Variants in USP34 observed in about 807,000 individuals in gnomAD.
USP34 encodes ubiquitin carboxyl-terminal hydrolase 34.
A neutral mutation model predicts 460.3 loss-of-function variants in USP34; 70 were observed. The observed-to-expected ratio is 0.15, with a 90% CI of 0.13 to 0.19. The LOEUF is 0.19. Among genes scored for constraint, USP34 ranks in the 10% least tolerant of loss-of-function variants. The probability of loss-of-function intolerance (pLI) is 1.00; values close to 1 mark genes in which losing one functional copy is unlikely to be tolerated. For missense variants in USP34, 3,985 were observed against 4,236.2 expected, an observed-to-expected ratio of 0.94 and a Z score of 1.65; for synonymous variants, 1,647 against 1,405.3, an observed-to-expected ratio of 1.17 and a Z score of -3.85.
intron 12 of USP34, 105 bp downstream of exon 12, chr2:61,350,155 A>G: frequency 1.6e-6 from 2 of 1,271,706 alleles, no homozygotes; most frequent in Non-Finnish European, 2.2e-6. Context: ...CCCATCCCAC[A>G]CTTATTTTAA....
At chr2:61,363,195 C>T (rs938750556) in intron 10 of USP34, among the ~76,000 whole-genome samples, 1 of 151,884 alleles carries the variant, frequency 6.6e-6, no homozygotes, top group African/African-American at 2.4e-5. Flanking sequence ...AATTTTTTTT[C>T]AAAATGGAAG....
intron 5 of USP34, among the ~76,000 whole-genome samples, chr2:61,387,730 C>T (rs1174421842): frequency 2.1e-5 from 3 of 146,206 alleles, no homozygotes; most frequent in African/African-American, 7.5e-5. Flanking sequence ...CGTATACACA[C>T]ATGTAAAAAT....
intron 3 of USP34, among the ~76,000 whole-genome samples, chr2:61,400,529 A>T (rs181717967): frequency 6.6e-6 from 1 of 152,286 alleles, no homozygotes; most frequent in East Asian, 1.9e-4. Flanking sequence ...TAGTAGTGAT[A>T]ATTGTACAAC....
intron 76 of USP34, chr2:61,191,322 T>G (rs960446488): frequency 6.6e-6 from 1 of 152,212 alleles, no homozygotes; most frequent in Non-Finnish European, 1.5e-5. Flanking sequence ...CTCCATAGAT[T>G]TAAATGTGCA....
chr2:61,203,365 T>C (rs1687028376), intron 74 of USP34, 102 bp from the exon 75 acceptor site: 5 of 1,135,904 alleles, frequency 4.4e-6, no homozygotes, highest in South Asian at 6.7e-5. Flanking sequence ...ATTCAATATT[T>C]ATATTCTATA....
At chr2:61,257,029 TAA>T (rs1386916161) in intron 46 of USP34, 21 bp downstream of exon 46, 1 of 1,474,302 alleles carries the variant, frequency 6.8e-7, no homozygotes, top group Non-Finnish European at 9.0e-7. Flanking sequence ...CTCCAAAAAG[TAA>T]AAACCAGGTA....
rs59097382 is a variant in USP34 at position 61,194,951 on chromosome 2, CA to C, written c.9509-1972del. 5.0e-3 allele frequency among the ~76,000 whole-genome samples: 634 copies of C among 126,210 alleles called. 6 individuals carry two copies. The highest frequency in any genetic ancestry group is 0.016 in the African/African-American group (529 of 33,366). 82.8% of individuals were successfully genotyped at this position (126,210 alleles called of 152,430 possible). ...CTGGACAACAAGAGTGAAACTCTGT[CA>C]AAAAAAAAAAAAAAAAAAGTTTTGG... On this transcript the variant is annotated intron_variant, in intron 75 of 79. Transcript: ENST00000398571.
chr2:61,348,097 A>T lies in USP34; in HGVS notation c.2058T>A (p.Asp686Glu), dbSNP rs773087733. Residue 686 changes from aspartate to glutamate, a missense_variant, in exon 15 of 80, where the codon GAT becomes GAA. Asp to Glu is a conservative substitution (Grantham distance 45). Coordinates refer to ENST00000398571, the MANE Select transcript of USP34 (RefSeq NM_014709.4). ...VFNTESLPSV[D>E]NRMRMLDACS... The stretch of plus-strand genomic sequence containing the variant: ...AAGCATCCAGCATTCGCATTCGATT[A>T]TCTACTGATGGCAATGATTCAGTGT... 2 of 1,614,200 alleles carry T rather than the reference A, an allele frequency of 1.2e-6. No individual in the cohort carries two copies. The highest frequency in any genetic ancestry group is 1.1e-5 in the South Asian group (1 of 91,076).
chr2:61,246,517 T>G, intron 49 of USP34, 40 bp from the exon 50 acceptor site: 1 of 1,328,372 alleles, frequency 7.5e-7, no homozygotes, highest in Non-Finnish European at 9.9e-7. Flanking sequence ...TTTTCCAAAC[T>G]TCACAACAGT....
At position 61,339,401 on chromosome 2, in the gene USP34, T is replaced by G. The variant is rs17008405; in HGVS notation, c.2694A>C (p.Gln898His). The change falls in exon 18 of 80, where the codon CAA becomes CAC. Residue 898 changes from glutamine (Q) to histidine (H), a missense_variant. By Grantham distance (24) the Gln-to-His change is conservative. Transcript: ENST00000398571. ...CSLVCWFTDRQIRMRFIEGCL... is the reference protein window; with the variant it reads ...CSLVCWFTDRHIRMRFIEGCL... ...AACCTTCAATGAATCTCATTCGAAT[T>G]TGTCTATCTGTAAACCAACATACTA... is the stretch of plus-strand genomic sequence containing the variant. 1 of 1,608,710 alleles carries G rather than the reference T, an allele frequency of 6.2e-7. No individual in the cohort carries two copies. Among genetic ancestry groups the G allele is most frequent in the Admixed American group, 1.7e-5 (1 of 59,366 alleles).
intron 42 of USP34, 25 bp downstream of exon 42, chr2:61,265,959 A>G: frequency 6.5e-7 from 1 of 1,531,458 alleles, no homozygotes; most frequent in Non-Finnish European, 8.8e-7. Flanking sequence ...ATCTATAAAG[A>G]TTAAAGGAAA....
intron 1 of USP34, among the ~76,000 whole-genome samples, chr2:61,437,774 AAAATAAAT>A (rs61610795): frequency 2.1e-3 from 287 of 134,562 alleles, no homozygotes; most frequent in African/African-American, 2.4e-3. Flanking sequence ...CTCCGTCTCA[AAAATAAAT>A]AAATAAATAA....
At chr2:61,404,029 A>G (rs946808542) in intron 3 of USP34, among the ~76,000 whole-genome samples, 4 of 149,720 alleles carry the variant, frequency 2.7e-5, no homozygotes, top group African/African-American at 9.7e-5. Flanking sequence ...GCTTTAGAAC[A>G]GTAAGGAAAG....
chr2:61,196,898 CA>C (rs754621049), intron 75 of USP34, among the ~76,000 whole-genome samples: 1 of 151,978 alleles, frequency 6.6e-6, no homozygotes, highest in Admixed American at 6.5e-5. Context: ...CCACGACAAA[CA>C]AAAAAATACC....
At chr2:61,201,258 C>T (rs1377042619) in intron 75 of USP34, among the ~76,000 whole-genome samples, 1 of 145,418 alleles carries the variant, frequency 6.9e-6, no homozygotes, top group Non-Finnish European at 1.5e-5. Flanking sequence ...GCTTAGTCAC[C>T]AGGCTGGAGT....
At position 61,211,830 on chromosome 2, in the gene USP34, T is replaced by C. The variant is rs755067867; in HGVS notation, c.8782A>G (p.Thr2928Ala). ...LEDIKQFKKT[T>A]ISCYLRCLDG... The stretch of plus-strand genomic sequence containing the variant: ...AAGCAACGTAAGTAACAACTTATGG[T>C]TGTTTTCTTGAACTGTTTAATATCT... Residue 2928 changes from threonine (T) to alanine (A), a missense_variant, in exon 69 of 80, where the codon ACC (threonine) becomes GCC (alanine). Physicochemically the swap from Thr to Ala is moderately conservative, Grantham distance 58. Around this residue, in one of 14 missense-constraint regions of USP34, gnomAD observed 275 missense variants for 292.7 expected, o/e 0.94. Transcript: ENST00000398571. 3 of 1,607,916 alleles carry C rather than the reference T, an allele frequency of 1.9e-6. No homozygotes were observed. The South Asian group carries it at 3.3e-5, about 18-fold the overall frequency.
intron 2 of USP34, among the ~76,000 whole-genome samples, chr2:61,411,522 T>C (rs191235187): frequency 4.7e-4 from 71 of 152,324 alleles, no homozygotes; most frequent in Non-Finnish European, 9.1e-4. Context: ...TGAAATATAC[T>C]TCTTTTAAAT....
At chr2:61,228,791 T>G in intron 60 of USP34, 36 bp downstream of exon 60, 2 of 1,587,412 alleles carry the variant, frequency 1.3e-6, no homozygotes, top group Non-Finnish European at 1.7e-6. Flanking sequence ...TGAAAAAAGG[T>G]AGATAATCAA....
chr2:61,307,025 T>C (rs962255156), intron 27 of USP34, among the ~76,000 whole-genome samples: 4 of 152,164 alleles, frequency 2.6e-5, no homozygotes, highest in South Asian at 2.1e-4. Context: ...CATATGTTTA[T>C]TGTGGCACTA....
Sources: gnomAD v4.1 joint callset for allele counts (sites outside exome capture counted in the v4.1 genomes callset) on GRCh38, gnomAD v4.1.1 for gene constraint, gnomAD v4.1.1 regional missense constraint, MANE v1.5 for transcripts, NCBI Gene and HGNC (gene_info 2026-07-23, HGNC 2026-07-21) for gene names.